The following TNRC6B variants were observed in gnomAD, a reference collection of about 807,000 sequenced individuals.
TNRC6B encodes the protein trinucleotide repeat containing adaptor 6B.
Under a neutral mutation model 203.6 loss-of-function variants are expected in TNRC6B, and 52 were observed. That is an observed-to-expected ratio of 0.26 (90% CI 0.20 to 0.32). TNRC6B has a LOEUF of 0.32. Ranked by LOEUF, TNRC6B falls within the 10% of genes least tolerant of loss-of-function variation. The probability of loss-of-function intolerance (pLI) is 1.00; values close to 1 mark genes in which losing one functional copy is unlikely to be tolerated. For synonymous variants in TNRC6B, 838 were observed against 845.7 expected (o/e 0.99, Z 0.16); for missense variants, 1,923 against 2,286.2 (o/e 0.84, Z 3.24).
chr22:40,147,483 G>A (rs1294643399), intron 3 of TNRC6B, among the ~76,000 whole-genome samples: 1 of 152,154 alleles, frequency 6.6e-6, no homozygotes, highest in Non-Finnish European at 1.5e-5. Context: ...TAGAGGCCGC[G>A]AATAACAAGA....
intron 3 of TNRC6B, among the ~76,000 whole-genome samples, chr22:40,148,685 C>G (rs2068718570): frequency 1.4e-5 from 1 of 72,444 alleles, no homozygotes; most frequent in Non-Finnish European, 2.8e-5. Flanking sequence ...CTCCCAGAAC[C>G]TTAGAATGTC....
intron 1 of TNRC6B, among the ~76,000 whole-genome samples, chr22:40,099,017 C>T (rs1014991225): frequency 6.6e-6 from 1 of 151,918 alleles, no homozygotes; most frequent in South Asian, 2.1e-4. Context: ...TTTGGGAGGC[C>T]GAGGCGGATG....
rs182171674 is a variant in TNRC6B, at chr22:40,224,171, A to C, written c.6-21844A>C. Among the ~76,000 whole-genome samples, 23 of 152,016 alleles carry C rather than the reference A, an allele frequency of 1.5e-4. No homozygotes were observed. The East Asian group carries it at 3.1e-3, about 20-fold the overall frequency. On this transcript the variant is annotated intron_variant, in intron 1 of 22. Transcript: ENST00000454349. ...AGGCATGAGCCACCATGCCCGGCTA[A>C]TTTTTGTATTTTTAATAGAGACGGG...
At chr22:40,240,277 A>G (rs1342206380) in intron 1 of TNRC6B, among the ~76,000 whole-genome samples, 1 of 152,170 alleles carries the variant, frequency 6.6e-6, no homozygotes, top group Admixed American at 6.5e-5. Flanking sequence ...TTCAGGATTT[A>G]TTCTAGATTA....
chr22:40,308,424 A>G, intron 15 of TNRC6B, 88 bp from the exon 16 acceptor site: 1 of 1,460,062 alleles, frequency 6.8e-7, no homozygotes. Flanking sequence ...TAGTCTTTGA[A>G]TGACACTTGA....
rs2071432283 is a variant in TNRC6B at position 40,328,852 on chromosome 22, G to A, written c.*5611G>A. On this transcript the variant is annotated 3_prime_UTR_variant, in exon 23 of 23. Coordinates refer to ENST00000454349, the MANE Select transcript of TNRC6B (RefSeq NM_001162501.2). The stretch of plus-strand genomic sequence containing the variant: ...AAATTCAACATTTAAAGCTTTATCG[G>A]TTATTGTTTTAGATTTGAGATTTTT... 1 of 152,224 alleles carries A rather than the reference G, an allele frequency of 6.6e-6. No individual in the cohort carries two copies. The highest frequency in any genetic ancestry group is 2.4e-5 in the African/African-American group (1 of 41,372). 9.4% of individuals were successfully genotyped at this position (152,224 alleles called of 1,614,324 possible).
In TNRC6B at chr22:40,194,071, G is replaced by C. The variant is rs565870696; in HGVS notation, c.5+15931G>C. ...TAGAAAGGTAGTGTGGGATAACCAGGGGGCAAGGTCTTTGGAGAATGCTGG... is the reference window on the plus strand; with the variant it reads ...TAGAAAGGTAGTGTGGGATAACCAGCGGGCAAGGTCTTTGGAGAATGCTGG... On this transcript the variant is annotated intron_variant, in intron 1 of 22. Coordinates refer to ENST00000454349, the MANE Select transcript of TNRC6B (RefSeq NM_001162501.2). 2.0e-5 allele frequency among the ~76,000 whole-genome samples: 3 copies of C among 152,322 alleles called. No homozygotes were observed. In the South Asian group the frequency reaches 6.2e-4, roughly 32 times the overall value.
At chr22:40,115,294 G>T (rs2068377370) in intron 1 of TNRC6B, among the ~76,000 whole-genome samples, 1 of 152,168 alleles carries the variant, frequency 6.6e-6, no homozygotes, top group Admixed American at 6.5e-5. Flanking sequence ...ACTTTAATCA[G>T]AATAGGGAAC....
chr22:40,321,921 T>TG (rs2071339314), intron 22 of TNRC6B: 1 of 152,308 alleles, frequency 6.6e-6, no homozygotes, highest in Non-Finnish European at 1.5e-5. Flanking sequence ...TTAAATTAGG[T>TG]GGCGCTAGAT....
Position 40,312,495 on chromosome 22 carries a change from C to A in TNRC6B, c.4436-10C>A. On this transcript the variant is annotated splice_polypyrimidine_tract_variant and intron_variant, in intron 17 of 22. Coordinates refer to ENST00000454349, the MANE Select transcript of TNRC6B (RefSeq NM_001162501.2). ...CCTTCCTTCTCTAATATTTGTTTTC[C>A]TTGTCTCAGAATTCCAACCAGGAGT... The A allele has an allele frequency of 6.3e-7, 1 of 1,595,062 alleles. No individual in the cohort carries two copies. The highest frequency in any genetic ancestry group is 8.5e-7 in the Non-Finnish European group (1 of 1,173,290).
chr22:40,116,653 G>T (rs1185998787), intron 1 of TNRC6B, among the ~76,000 whole-genome samples: 2 of 152,188 alleles, frequency 1.3e-5, no homozygotes, highest in Non-Finnish European at 2.9e-5. Context: ...AAGAGGAAAT[G>T]ATAGGACTTG....
intron 1 of TNRC6B, chr22:40,106,744 C>T: frequency 1.3e-6 from 1 of 775,056 alleles, no homozygotes; most frequent in Non-Finnish European, 2.3e-6. Flanking sequence ...GCTGCAACAC[C>T]TTTCGGACCT....
chr22:40,194,535 G>T (rs1028284611), intron 1 of TNRC6B, among the ~76,000 whole-genome samples: 1 of 152,158 alleles, frequency 6.6e-6, no homozygotes, highest in African/African-American at 2.4e-5. Context: ...TGTGGAAGGG[G>T]GCTGTGAACT....
At chr22:40,320,363 C>T (rs1210897417) in intron 21 of TNRC6B, among the ~76,000 whole-genome samples, 1 of 152,144 alleles carries the variant, frequency 6.6e-6, no homozygotes, top group Non-Finnish European at 1.5e-5. Flanking sequence ...GCCTGTAATT[C>T]CACCTACTCA....
intron 1 of TNRC6B, among the ~76,000 whole-genome samples, chr22:40,081,607 T>A (rs985688214): frequency 3.3e-5 from 5 of 152,244 alleles, no homozygotes; most frequent in Non-Finnish European, 7.3e-5. Flanking sequence ...CTTTGTCACC[T>A]GCAACCAATT....
chr22:40,214,549 G>GTTT (rs71735740), intron 1 of TNRC6B, among the ~76,000 whole-genome samples: 17,084 of 148,148 alleles, frequency 0.12, 1,033 homozygotes, highest in South Asian at 0.15. Context: ...TCTTTCTGTG[G>GTTT]TTTTTTTTTT....
chr22:40,124,121 C>A (rs2068467506), intron 2 of TNRC6B, among the ~76,000 whole-genome samples: 1 of 152,058 alleles, frequency 6.6e-6, no homozygotes, highest in Admixed American at 6.5e-5. Flanking sequence ...CAAGACCTTG[C>A]TAGGTGGGTG....
intron 21 of TNRC6B, among the ~76,000 whole-genome samples, chr22:40,320,686 C>T (rs2071323397): frequency 6.6e-6 from 1 of 152,140 alleles, no homozygotes; most frequent in South Asian, 2.1e-4. Context: ...AATAGTCTCA[C>T]CTTGAGATGG....
chr22:40,109,329 T>A (rs2068313490), intron 1 of TNRC6B, among the ~76,000 whole-genome samples: 1 of 152,204 alleles, frequency 6.6e-6, no homozygotes, highest in African/African-American at 2.4e-5. Flanking sequence ...AAATGGTATT[T>A]CTGGTTCTAG....
Sources: gnomAD v4.1 joint callset for allele counts (sites outside exome capture counted in the v4.1 genomes callset) on GRCh38, gnomAD v4.1.1 for gene constraint, MANE v1.5 for transcripts, NCBI Gene and HGNC (gene_info 2026-07-23, HGNC 2026-07-21) for gene names.